The following DOCK7 variants were observed in gnomAD, a reference collection of about 807,000 sequenced individuals.
The protein encoded by DOCK7 is dedicator of cytokinesis 7.
DOCK7 carries 138 observed loss-of-function variants against 271.0 expected under a neutral mutation model. That is an observed-to-expected ratio of 0.51 (90% CI 0.44 to 0.59). The LOEUF is 0.59. Ranked by LOEUF, DOCK7 falls within the 20% of genes least tolerant of loss-of-function variation. DOCK7 has a pLI of 0.00. For missense variants in DOCK7, 2,066 were observed against 2,592.4 expected (o/e 0.80, Z 4.41); for synonymous variants, 823 against 876.1 (o/e 0.94, Z 1.07).
At chr1:62,565,404 A>G (rs1646478467) in intron 18 of DOCK7, among the ~76,000 whole-genome samples, 1 of 152,218 alleles carries the variant, frequency 6.6e-6, no homozygotes, top group East Asian at 1.9e-4. Context: ...GGTTGGTTCA[A>G]CATACGCAAA....
Position 62,641,663 on chromosome 1 carries a change from G to C in DOCK7, c.819-5060C>G, listed in dbSNP as rs1227763661. 4.1e-5 allele frequency: 18 copies of C among 438,834 alleles called. No individual in the cohort carries two copies. The Admixed American group carries it at 4.3e-4, about 10-fold the overall frequency. 27.2% of individuals were successfully genotyped at this position (438,834 alleles called of 1,614,324 possible). ...CAGCAGTACCTGCTTGGCCACAATG[G>C]CCGCTGGGCAACCCGGAGATGGCCT... On this transcript the variant is annotated intron_variant, in intron 7 of 49. Coordinates refer to ENST00000635253, the MANE Select transcript of DOCK7 (RefSeq NM_001367561.1).
rs547725311 is a variant in DOCK7, at chr1:62,495,474, A to G, written c.5024+107T>C. On this transcript the variant is annotated intron_variant, in intron 39 of 49. Transcript: ENST00000635253. ...TAAAAACAATAAAGAATGTAAATAAAGAAAAATCACAAATCATTTTTGTGT... is the reference window on the plus strand; with the variant it reads ...TAAAAACAATAAAGAATGTAAATAAGGAAAAATCACAAATCATTTTTGTGT... The G allele has an allele frequency of 3.8e-5, 27 of 704,456 alleles. No homozygotes were observed. The Admixed American group carries it at 5.7e-4, about 15-fold the overall frequency. The allele number at this position is 704,456 out of a possible 1,614,324, so 43.6% of individuals were successfully genotyped here.
intron 31 of DOCK7, among the ~76,000 whole-genome samples, chr1:62,517,455 C>A (rs969401473): frequency 1.3e-5 from 2 of 151,986 alleles, no homozygotes; most frequent in Non-Finnish European, 2.9e-5. Flanking sequence ...ATTAGCTGGG[C>A]GTGGTGGTGC....
At chr1:62,539,070 A>G (rs1645440970) in intron 27 of DOCK7, among the ~76,000 whole-genome samples, 2 of 152,244 alleles carry the variant, frequency 1.3e-5, no homozygotes, top group Admixed American at 1.3e-4. Flanking sequence ...TTAATTTCGT[A>G]AAGTCAAGAT....
At chr1:62,555,640 C>T (rs1557710527) in intron 21 of DOCK7, among the ~76,000 whole-genome samples, 185 bp downstream of exon 21, 1 of 152,140 alleles carries the variant, frequency 6.6e-6, no homozygotes, top group Non-Finnish European at 1.5e-5. Context: ...AAAAAGATGT[C>T]TAAAAATGTA....
chr1:62,530,506 C>A (rs1396025605), intron 29 of DOCK7: 2 of 152,184 alleles, frequency 1.3e-5, no homozygotes, highest in East Asian at 3.8e-4. Context: ...GTAGTCTTCT[C>A]CCAGAGCCCT....
At chr1:62,604,330 C>A in intron 14 of DOCK7, 1 of 1,477,886 alleles carries the variant, frequency 6.8e-7, no homozygotes, top group South Asian at 1.2e-5. Context: ...TTTAAAAATC[C>A]GAATCCCAAA....
intron 46 of DOCK7, 158 bp from the exon 47 acceptor site, chr1:62,475,509 ATCAACCTTTT>A: frequency 1.0e-6 from 1 of 972,152 alleles, no homozygotes; most frequent in Non-Finnish European, 1.5e-6. Flanking sequence ...AAAAAAAAAA[ATCAACCTTTT>A]AAAGAAAAAG....
rs1423979106 is a variant in DOCK7, at chr1:62,508,003, C to T, written c.4435G>A (p.Ala1479Thr). 2 of 1,612,986 alleles carry T rather than the reference C, an allele frequency of 1.2e-6. No homozygotes were observed. Among genetic ancestry groups the T allele is most frequent in the African/African-American group, 1.3e-5 (1 of 74,870 alleles). ...AATGTATCTAAAATGATTAGGTTTG[C>T]TTCTGTAGCCAGGTTTCCATCAATC... ...ALIDGNLATE[A>T]NLIILDTLEI... The change falls in exon 35 of 50, where the codon GCA becomes ACA. Residue 1479 changes from alanine to threonine, a missense_variant. By Grantham distance (58) the Ala-to-Thr change is moderately conservative. Around this residue, in one of 2 missense-constraint regions of DOCK7, gnomAD observed 652 missense variants for 922.1 expected, o/e 0.71. Coordinates refer to ENST00000635253, the MANE Select transcript of DOCK7 (RefSeq NM_001367561.1).
intron 31 of DOCK7, among the ~76,000 whole-genome samples, chr1:62,514,814 C>T (rs1644610985): frequency 6.6e-6 from 1 of 152,040 alleles, no homozygotes; most frequent in South Asian, 2.1e-4. Context: ...ATTTGCCTTA[C>T]TATACCAAGA....
intron 11 of DOCK7, chr1:62,629,327 C>T (rs557440714): frequency 1.5e-4 from 23 of 152,122 alleles, no homozygotes; most frequent in African/African-American, 4.6e-4. Context: ...GCATAATAAA[C>T]TAAAAGTAGA....
chr1:62,679,686 C>T (rs922007411), intron 1 of DOCK7, among the ~76,000 whole-genome samples: 1 of 152,166 alleles, frequency 6.6e-6, no homozygotes, highest in African/African-American at 2.4e-5. Context: ...TGTTGTGAGA[C>T]TGTAAATTTC....
At chr1:62,657,787 A>G (rs1379238376) in intron 2 of DOCK7, among the ~76,000 whole-genome samples, 1 of 152,188 alleles carries the variant, frequency 6.6e-6, no homozygotes, top group East Asian at 1.9e-4. Context: ...AGCAGAAAAG[A>G]GGGGACAGAG....
intron 1 of DOCK7, among the ~76,000 whole-genome samples, chr1:62,675,584 C>T (rs1660461719): frequency 6.6e-6 from 1 of 152,068 alleles, no homozygotes; most frequent in South Asian, 2.1e-4. Context: ...AGATCAGGAC[C>T]ATCCTGGCTA....
chr1:62,596,907 T>C (rs1270227379), intron 14 of DOCK7, among the ~76,000 whole-genome samples: 1 of 151,994 alleles, frequency 6.6e-6, no homozygotes, highest in Non-Finnish European at 1.5e-5. Flanking sequence ...TTACTATATA[T>C]GGGATTTTGT....
chr1:62,560,674 A>C (rs1057507582), intron 19 of DOCK7, among the ~76,000 whole-genome samples: 8 of 152,138 alleles, frequency 5.3e-5, no homozygotes, highest in South Asian at 4.1e-4. Flanking sequence ...GATGGTCCTT[A>C]GACTACTGTA....
intron 22 of DOCK7, among the ~76,000 whole-genome samples, chr1:62,551,034 TATA>T (rs1212685672): frequency 1.3e-5 from 2 of 152,076 alleles, no homozygotes; most frequent in African/African-American, 4.8e-5. Flanking sequence ...TGGGAATAAT[TATA>T]ATGATTGCCC....
chr1:62,566,257 G>C (rs991446019), intron 18 of DOCK7, among the ~76,000 whole-genome samples: 1 of 152,114 alleles, frequency 6.6e-6, no homozygotes, highest in Non-Finnish European at 1.5e-5. Flanking sequence ...TAAGCAAAAA[G>C]AACAAAGCTG....
At chr1:62,625,232 C>T in intron 12 of DOCK7, 27 bp downstream of exon 12, 2 of 1,608,070 alleles carry the variant, frequency 1.2e-6, no homozygotes, top group Non-Finnish European at 1.7e-6. Flanking sequence ...AACATCTCCC[C>T]AAAATTCCTA....
Sources: gnomAD v4.1 joint callset for allele counts (sites outside exome capture counted in the v4.1 genomes callset) on GRCh38, gnomAD v4.1.1 for gene constraint, gnomAD v4.1.1 regional missense constraint, MANE v1.5 for transcripts, NCBI Gene and HGNC (gene_info 2026-07-23, HGNC 2026-07-21) for gene names.